Variants in MAF observed in about 807,000 individuals in gnomAD.
MAF encodes the protein MAF bZIP transcription factor.
Under a neutral mutation model 22.0 loss-of-function variants are expected in MAF, and 10 were observed. The observed-to-expected ratio is 0.45, with a 90% CI of 0.28 to 0.77. The LOEUF is 0.77. Among genes scored for constraint, MAF ranks in the 30% least tolerant of loss-of-function variants. The pLI is 0.12. For missense variants in MAF, 544 were observed against 548.4 expected (o/e 0.99, Z 0.08); for synonymous variants, 337 against 255.8 (o/e 1.32, Z -3.03).
chr16:79,219,737 G>A, the MAF span, among the ~76,000 whole-genome samples: 4 of 152,066 alleles, frequency 2.6e-5, no homozygotes, highest in African/African-American at 7.2e-5. Flanking sequence ...GTCACTCTGC[G>A]TCTGTGATCT....
At chr16:79,418,934 G>T in the MAF span, among the ~76,000 whole-genome samples, 1 of 152,278 alleles carries the variant, frequency 6.6e-6, no homozygotes, top group African/African-American at 2.4e-5. Flanking sequence ...TAAAAGAACA[G>T]CCTGTGGTAC....
chr16:79,485,787 G>C, the MAF span, among the ~76,000 whole-genome samples: 5 of 152,172 alleles, frequency 3.3e-5, no homozygotes, highest in Admixed American at 2.6e-4. Context: ...GCAGCACACA[G>C]ACTCGGTGTC....
chr16:79,345,223 A>G, the MAF span, among the ~76,000 whole-genome samples: 4 of 152,252 alleles, frequency 2.6e-5, no homozygotes, highest in South Asian at 8.3e-4. Context: ...TGATCTGATT[A>G]TAATATAATG....
chr16:79,582,594 G>C (rs1213414632), downstream of MAF, among the ~76,000 whole-genome samples: 1 of 152,194 alleles, frequency 6.6e-6, no homozygotes, highest in Non-Finnish European at 1.5e-5. Flanking sequence ...ACGTTAGCCA[G>C]GCTGTATGGA....
the MAF span, among the ~76,000 whole-genome samples, chr16:79,289,618 A>G: frequency 1.3e-5 from 2 of 152,102 alleles, no homozygotes; most frequent in Non-Finnish European, 2.9e-5. Context: ...AAGACCTTCC[A>G]CTGTGGCCAT....
the MAF span, among the ~76,000 whole-genome samples, chr16:79,565,513 G>T: frequency 6.6e-6 from 1 of 152,038 alleles, no homozygotes; most frequent in African/African-American, 2.4e-5. Context: ...TTGTGGGGGG[G>T]GGGACCAGTT....
chr16:79,279,770 T>G, the MAF span, among the ~76,000 whole-genome samples: 1 of 152,182 alleles, frequency 6.6e-6, no homozygotes, highest in Non-Finnish European at 1.5e-5. Flanking sequence ...TGCTGCTGCT[T>G]CTTTTTTTTT....
At chr16:79,509,663 G>A in the MAF span, among the ~76,000 whole-genome samples, 62 of 152,236 alleles carry the variant, frequency 4.1e-4, no homozygotes, top group Non-Finnish European at 6.3e-4. Flanking sequence ...TGGCCTGAGC[G>A]TGTAATTCAT....
At chr16:79,558,603 A>T in the MAF span, among the ~76,000 whole-genome samples, 1 of 152,204 alleles carries the variant, frequency 6.6e-6, no homozygotes, top group East Asian at 1.9e-4. Context: ...GAGTATGAGG[A>T]TAGCTGTGCC....
At chr16:79,289,867 T>TTTTATTTTTTTC in the MAF span, among the ~76,000 whole-genome samples, 2 of 118,510 alleles carry the variant, frequency 1.7e-5, no homozygotes, top group African/African-American at 6.4e-5. Context: ...TTTTTTTTTT[T>TTTTATTTTTTTC]TGTGAGACGG....
chr16:79,577,302 G>A, the MAF span, among the ~76,000 whole-genome samples: 9 of 152,296 alleles, frequency 5.9e-5, no homozygotes, highest in East Asian at 1.7e-3. Context: ...CCTACTACAT[G>A]TGCTGAGGTG....
At chr16:79,571,554 T>TC in the MAF span, among the ~76,000 whole-genome samples, 913 of 139,838 alleles carry the variant, frequency 6.5e-3, 10 homozygotes, top group Non-Finnish European at 9.8e-3. Flanking sequence ...TTTTTTTTTT[T>TC]ACAAATGCAC....
chr16:79,362,314 A>G, the MAF span, among the ~76,000 whole-genome samples: 4 of 152,180 alleles, frequency 2.6e-5, no homozygotes, highest in African/African-American at 9.7e-5. Context: ...ATGCTTTTTC[A>G]GGCTTTTTAG....
chr16:79,396,212 G>C, the MAF span, among the ~76,000 whole-genome samples: 1 of 152,132 alleles, frequency 6.6e-6, no homozygotes, highest in Admixed American at 6.5e-5. Flanking sequence ...GTGCCAGGAG[G>C]CCACACTACT....
At chr16:79,332,180 G>A in the MAF span, among the ~76,000 whole-genome samples, 9 of 152,220 alleles carry the variant, frequency 5.9e-5, no homozygotes, top group South Asian at 4.2e-4. Context: ...TATTGAATGC[G>A]TACCATTTAC....
the MAF span, among the ~76,000 whole-genome samples, chr16:79,269,588 G>A: frequency 6.6e-6 from 1 of 152,052 alleles, no homozygotes; most frequent in Middle Eastern, 3.2e-3. Flanking sequence ...GCAGAAATAA[G>A]GTCATGGTGA....
At chr16:79,587,627 G>A (rs1450921004) in intron 1 of MAF, among the ~76,000 whole-genome samples, 3 of 152,032 alleles carry the variant, frequency 2.0e-5, no homozygotes, top group Non-Finnish European at 4.4e-5. Flanking sequence ...TTATTACAGA[G>A]CAATAATTGG....
At chr16:79,433,439 A>C in the MAF span, among the ~76,000 whole-genome samples, 2 of 151,536 alleles carry the variant, frequency 1.3e-5, no homozygotes, top group African/African-American at 4.8e-5. Flanking sequence ...TCAGAATGAC[A>C]TTTGTAGCTC....
chr16:79,553,720 G>GA, the MAF span, among the ~76,000 whole-genome samples: 1 of 152,180 alleles, frequency 6.6e-6, no homozygotes, highest in African/African-American at 2.4e-5. Context: ...TAGCATGGCA[G>GA]AAAAACATCA....
Sources: gnomAD v4.1 joint callset for allele counts (sites outside exome capture counted in the v4.1 genomes callset) on GRCh38, gnomAD v4.1.1 for gene constraint, MANE v1.5 for transcripts, NCBI Gene and HGNC (gene_info 2026-07-23, HGNC 2026-07-21) for gene names.